The following F13A1 variants were observed in gnomAD, a reference collection of about 807,000 sequenced individuals.
F13A1 encodes coagulation factor XIII A chain, also known as FSF, A subunit.
A neutral mutation model predicts 80.1 loss-of-function variants in F13A1; 47 were observed. That is an observed-to-expected ratio of 0.59 (90% CI 0.46 to 0.75). The LOEUF (loss-of-function observed/expected upper bound fraction) is 0.75, where lower values mean the gene tolerates loss of function less well. F13A1 is among the 30% of genes least tolerant of loss of function. The pLI is 0.00. For missense variants in F13A1, 817 were observed against 930.4 expected (o/e 0.88, Z 1.59); for synonymous variants, 349 against 344.9 (o/e 1.01, Z -0.13).
intron 12 of F13A1, among the ~76,000 whole-genome samples, chr6:6,168,839 G>A (rs1760722330): frequency 6.6e-6 from 1 of 152,206 alleles, no homozygotes; most frequent in African/African-American, 2.4e-5. Flanking sequence ...CTGGCTCGAA[G>A]GTGTGGGTGC....
intron 13 of F13A1, among the ~76,000 whole-genome samples, chr6:6,155,167 T>C (rs1760451442): frequency 6.6e-6 from 1 of 152,222 alleles, no homozygotes; most frequent in African/African-American, 2.4e-5. Flanking sequence ...ACCAGTAGAC[T>C]GGCTCTACAT....
intron 4 of F13A1, among the ~76,000 whole-genome samples, chr6:6,259,506 G>T (rs1303042039): frequency 6.6e-6 from 1 of 152,040 alleles, no homozygotes. Flanking sequence ...TGAATAAAAA[G>T]GAAATATTAG....
At chr6:6,174,407 A>G (rs1339651497) in intron 12 of F13A1, among the ~76,000 whole-genome samples, 173 bp downstream of exon 12, 1 of 146,632 alleles carries the variant, frequency 6.8e-6, no homozygotes, top group Admixed American at 6.8e-5. Flanking sequence ...AAAAATAAAA[A>G]AAAAGAAAGT....
At chr6:6,179,138 GA>G (rs1454965765) in intron 11 of F13A1, among the ~76,000 whole-genome samples, 1 of 152,222 alleles carries the variant, frequency 6.6e-6, no homozygotes, top group Non-Finnish European at 1.5e-5. Flanking sequence ...GGAGAAAATA[GA>G]GAGGGAGAGG....
chr6:6,305,619 T>C (rs1758502359), intron 2 of F13A1, 80 bp from the exon 3 acceptor site: 1 of 1,481,972 alleles, frequency 6.7e-7, no homozygotes. Context: ...CAAGATTATT[T>C]TCCCTGAAGA....
intron 14 of F13A1, among the ~76,000 whole-genome samples, chr6:6,151,121 T>C (rs1760366013): frequency 6.6e-6 from 1 of 152,206 alleles, no homozygotes; most frequent in Non-Finnish European, 1.5e-5. Flanking sequence ...GTCACACTCT[T>C]TGTTAGTAGA....
At chr6:6,201,051 T>G (rs1240358179) in intron 8 of F13A1, among the ~76,000 whole-genome samples, 1 of 152,208 alleles carries the variant, frequency 6.6e-6, no homozygotes, top group African/African-American at 2.4e-5. Flanking sequence ...TCCTGCTTCC[T>G]ATACGACCCG....
chr6:6,238,188 T>C (rs990099306), intron 6 of F13A1, among the ~76,000 whole-genome samples: 1 of 152,162 alleles, frequency 6.6e-6, no homozygotes, highest in Admixed American at 6.6e-5. Flanking sequence ...TCTGACAAAG[T>C]CACCAAAGCA....
At chr6:6,242,404 T>C (rs1757494869) in intron 6 of F13A1, among the ~76,000 whole-genome samples, 1 of 152,190 alleles carries the variant, frequency 6.6e-6, no homozygotes. Context: ...GATGGCATTG[T>C]GGTTCGATAT....
intron 3 of F13A1, among the ~76,000 whole-genome samples, chr6:6,300,672 C>A (rs914207158): frequency 6.6e-6 from 1 of 152,136 alleles, no homozygotes; most frequent in Non-Finnish European, 1.5e-5. Context: ...AACCCCATAC[C>A]TCAGATGGAA....
chr6:6,191,404 G>A (rs1215394599), intron 10 of F13A1, among the ~76,000 whole-genome samples: 7 of 152,130 alleles, frequency 4.6e-5, no homozygotes, highest in East Asian at 1.9e-4. Flanking sequence ...CACTTGAAGG[G>A]TTATCATCAC....
intron 3 of F13A1, among the ~76,000 whole-genome samples, chr6:6,287,378 G>T (rs1441842625): frequency 6.6e-6 from 1 of 152,160 alleles, no homozygotes; most frequent in Non-Finnish European, 1.5e-5. Context: ...GTGCAAATGA[G>T]CCACGTTTAT....
intron 11 of F13A1, among the ~76,000 whole-genome samples, chr6:6,177,079 G>A (rs1280058106): frequency 2.6e-5 from 4 of 152,160 alleles, no homozygotes; most frequent in East Asian, 1.9e-4. Context: ...GTTATGCTGC[G>A]TGCTCTGGCA....
chr6:6,153,285 A>C (rs1371081803), intron 13 of F13A1, among the ~76,000 whole-genome samples: 1 of 152,228 alleles, frequency 6.6e-6, no homozygotes, highest in Non-Finnish European at 1.5e-5. Context: ...AAGAGGAAGG[A>C]CATTGCCCAG....
chr6:6,262,169 G>C lies in F13A1; in HGVS notation c.571+4389C>G, dbSNP rs866693138. ...GTGATTCTGATGTGCTCCAAGCGTG[G>C]TGACCCTCCAGGTGATTCTGATGTG... On this transcript the variant is annotated intron_variant, in intron 4 of 14. Transcript: ENST00000264870. 8.5e-3 allele frequency among the ~76,000 whole-genome samples: 51 copies of C among 6,022 alleles called. 4 individuals are homozygous for C. Among genetic ancestry groups the C allele is most frequent in the African/African-American group, 0.054 (45 of 840 alleles). The allele number at this position is 6,022 out of a possible 152,430, so 4.0% of individuals were successfully genotyped here. A position where few individuals can be genotyped will look rare whatever the true frequency, so the allele number is the denominator to read the frequency against.
intron 13 of F13A1, among the ~76,000 whole-genome samples, chr6:6,155,990 A>G (rs1363099977): frequency 1.3e-5 from 2 of 152,206 alleles, no homozygotes; most frequent in African/African-American, 4.8e-5. Flanking sequence ...GGCAATTTAG[A>G]GAAGGTTAGT....
At chr6:6,300,276 C>G (rs1480900084) in intron 3 of F13A1, among the ~76,000 whole-genome samples, 1 of 149,804 alleles carries the variant, frequency 6.7e-6, no homozygotes, top group African/African-American at 2.5e-5. Context: ...CCACCCAGTT[C>G]GAGCTTCCAG....
rs770561590 is a variant in F13A1, at chr6:6,248,304, C to T, written c.798+8G>A. The T allele has an allele frequency of 2.5e-6, 4 of 1,611,406 alleles. No individual in the cohort carries two copies. The Admixed American group carries it at 5.0e-5, about 20-fold the overall frequency. On this transcript the variant is annotated splice_region_variant and intron_variant, in intron 6 of 14. Transcript: ENST00000264870. ...AACAGATTTTAGGTATCAGTAATTG[C>T]TGCTTACCATTGCAGACCCCACACG...
At chr6:6,206,957 G>A (rs1761499805) in intron 8 of F13A1, among the ~76,000 whole-genome samples, 1 of 151,674 alleles carries the variant, frequency 6.6e-6, no homozygotes, top group African/African-American at 2.4e-5. Flanking sequence ...CACCTCCAGA[G>A]TGGCAGAGTA....
Sources: gnomAD v4.1 joint callset for allele counts (sites outside exome capture counted in the v4.1 genomes callset) on GRCh38, gnomAD v4.1.1 for gene constraint, MANE v1.5 for transcripts, NCBI Gene and HGNC (gene_info 2026-07-23, HGNC 2026-07-21) for gene names.